The following EFNB3 variants were observed in gnomAD, a reference collection of about 807,000 sequenced individuals.
EFNB3 encodes ephrin-B3.
Under a neutral mutation model 29.8 loss-of-function variants are expected in EFNB3, and 14 were observed. The ratio of observed to expected loss-of-function variants is 0.47; its 90% CI spans 0.31 to 0.73. The LOEUF (loss-of-function observed/expected upper bound fraction) is 0.73, where lower values mean the gene tolerates loss of function less well. Among genes scored for constraint, EFNB3 ranks in the 30% least tolerant of loss-of-function variants. The pLI, the probability that EFNB3 is intolerant of heterozygous loss-of-function variation, is 0.05. For synonymous variants in EFNB3, 216 were observed against 191.6 expected (o/e 1.13, Z -1.05); for missense variants, 408 against 458.0 (o/e 0.89, Z 1.00).
intron 1 of EFNB3, among the ~76,000 whole-genome samples, chr17:7,706,171 G>T (rs1377037980): frequency 3.3e-5 from 5 of 149,718 alleles, no homozygotes; most frequent in Non-Finnish European, 7.4e-5. Context: ...AGGCAAGGGG[G>T]TTCCGTTTGG....
In EFNB3 at chr17:7,709,679, C is replaced by T. The variant is rs2074342619; in HGVS notation, c.*103C>T. On this transcript the variant is annotated 3_prime_UTR_variant, in exon 5 of 5. Transcript: ENST00000226091. The surrounding 1 kb of genome is among the most constrained non-coding windows in gnomAD (Gnocchi z 4.5). ...ACCTCTAACATCTCGGCCCCCTGTG[C>T]CCCCCCAGCCCCTTCACTCCTCCCG... The T allele has an allele frequency of 6.8e-6, 8 of 1,181,786 alleles. No individual in the cohort carries two copies. Among genetic ancestry groups the T allele is most frequent in the African/African-American group, 3.0e-5 (2 of 66,046 alleles). The allele number at this position is 1,181,786 out of a possible 1,614,324, so 73.2% of individuals were successfully genotyped here.
At position 7,709,173 on chromosome 17, in the gene EFNB3, C is replaced by T. The variant is rs2074339126; in HGVS notation, c.620C>T (p.Pro207Leu). 3 of 1,600,854 alleles carry T rather than the reference C, an allele frequency of 1.9e-6. No homozygotes were observed. Among genetic ancestry groups the T allele is most frequent in the Non-Finnish European group, 2.5e-6 (3 of 1,177,986 alleles). ...TTCACCCCTTCCCTGCCAGGTGACC[C>T]CACCAGCAATGCAACCTCCCGGGGT... The part of the protein sequence containing the change: ...EPGKENLPGD[P>L]TSNATSRGAE... The change falls in exon 5 of 5, where the codon CCC becomes CTC. Residue 207 changes from proline (P) to leucine (L), a missense_variant. Pro to Leu is a moderately conservative substitution (Grantham distance 98). Coordinates refer to ENST00000226091, the MANE Select transcript of EFNB3 (RefSeq NM_001406.4). This position sits in a 1 kb window ranked among gnomAD's most constrained non-coding sequence, Gnocchi z 4.5.
chr17:7,705,759 G>A lies in EFNB3; in HGVS notation c.122+39G>A. 1 of 1,529,952 alleles carries A rather than the reference G, an allele frequency of 6.5e-7. No homozygotes were observed. The highest frequency in any genetic ancestry group is 1.4e-5 in the African/African-American group (1 of 69,296). The allele number at this position is 1,529,952 out of a possible 1,614,324, so 94.8% of individuals were successfully genotyped here. On this transcript the variant is annotated intron_variant, in intron 1 of 4. Transcript: ENST00000226091. The surrounding 1 kb of genome is among the most constrained non-coding windows in gnomAD (Gnocchi z 5.4). Reference sequence around the variant, plus strand: ...GGCTGGGGAGATCCCAGACCCTAGGGCAGTGGGTAGGGAAGCTCTGGGGGC... The same window carrying A: ...GGCTGGGGAGATCCCAGACCCTAGGACAGTGGGTAGGGAAGCTCTGGGGGC...
Position 7,710,017 on chromosome 17 carries a change from T to G in EFNB3, c.*441T>G. 4.0e-6 allele frequency: 1 copy of G among 251,698 alleles called. No individual in the cohort carries two copies. The highest frequency in any genetic ancestry group is 2.4e-5 in the African/African-American group (1 of 42,402). 15.6% of individuals were successfully genotyped at this position (251,698 alleles called of 1,614,324 possible). The stretch of plus-strand genomic sequence containing the variant: ...CGTCTCTAGGTCTGTTCTTCTTCCC[T>G]AGCATCCTCCTCCCCACATCTCCTT... On this transcript the variant is annotated 3_prime_UTR_variant, in exon 5 of 5. Transcript: ENST00000226091.
chr17:7,705,850 TG>T lies in EFNB3; in HGVS notation c.122+133del. ...AAGGTGCTGGTGCTCTGATGTGTGATGGGTTACTAGACAGGTGATCTTGGGA... is the reference window on the plus strand; with the variant it reads ...AAGGTGCTGGTGCTCTGATGTGTGATGGTTACTAGACAGGTGATCTTGGGA... On this transcript the variant is annotated intron_variant, in intron 1 of 4. Coordinates refer to ENST00000226091, the MANE Select transcript of EFNB3 (RefSeq NM_001406.4). The surrounding 1 kb of genome is among the most constrained non-coding windows in gnomAD (Gnocchi z 5.4). 8.7e-7 allele frequency: 1 copy of T among 1,147,222 alleles called. No homozygotes were observed. Among genetic ancestry groups the T allele is most frequent in the Non-Finnish European group, 1.2e-6 (1 of 835,200 alleles). 71.1% of individuals were successfully genotyped at this position (1,147,222 alleles called of 1,614,324 possible). A position where few individuals can be genotyped will look rare whatever the true frequency, so the allele number is the denominator to read the frequency against.
Position 7,708,784 on chromosome 17 carries a change from C to T in EFNB3, c.613+45C>T. The T allele has an allele frequency of 6.8e-7, 1 of 1,476,548 alleles. No individual in the cohort carries two copies. Among genetic ancestry groups the T allele is most frequent in the East Asian group, 2.5e-5 (1 of 40,290 alleles). 91.5% of individuals were successfully genotyped at this position (1,476,548 alleles called of 1,614,324 possible). On this transcript the variant is annotated intron_variant, in intron 4 of 4. Coordinates refer to ENST00000226091, the MANE Select transcript of EFNB3 (RefSeq NM_001406.4). This position sits in a 1 kb window ranked among gnomAD's most constrained non-coding sequence, Gnocchi z 6.8. ...CCCCTGCCTTCCCCAGCTTCCTCTGCTCTCAGACCCCAGCTGCCCTGCCGT... is the reference window on the plus strand; with the variant it reads ...CCCCTGCCTTCCCCAGCTTCCTCTGTTCTCAGACCCCAGCTGCCCTGCCGT...
chr17:7,707,870 C>A (rs758165660), intron 1 of EFNB3, 88 bp from the exon 2 acceptor site: 10 of 1,449,506 alleles, frequency 6.9e-6, no homozygotes, highest in Admixed American at 4.5e-5. Context: ...AATTGCTGTC[C>A]TGGAAGGTTG....
In EFNB3 at chr17:7,705,455, G is replaced by A; in HGVS notation, c.-144G>A. 1.9e-6 allele frequency: 1 copy of A among 519,058 alleles called. No individual in the cohort carries two copies. Among genetic ancestry groups the A allele is most frequent in the Non-Finnish European group, 3.3e-6 (1 of 302,192 alleles). The allele number at this position is 519,058 out of a possible 1,614,324, so 32.2% of individuals were successfully genotyped here. A position where few individuals can be genotyped will look rare whatever the true frequency, so the allele number is the denominator to read the frequency against. On this transcript the variant is annotated 5_prime_UTR_variant, in exon 1 of 5. Transcript: ENST00000226091. The surrounding 1 kb of genome is among the most constrained non-coding windows in gnomAD (Gnocchi z 5.4). ...GCTCTGCCGCGGGGGCGCGGGCACA[G>A]CAGGAAGCAGGTCCGCGTGGGCGCT...
chr17:7,707,177 G>A (rs1222746322), intron 1 of EFNB3, among the ~76,000 whole-genome samples: 2 of 152,172 alleles, frequency 1.3e-5, no homozygotes, highest in Non-Finnish European at 2.9e-5. Flanking sequence ...GCAGGGGTTG[G>A]CAAGTTGTGG....
At chr17:7,706,135 C>G (rs897525097) in intron 1 of EFNB3, among the ~76,000 whole-genome samples, 2 of 148,674 alleles carry the variant, frequency 1.3e-5, no homozygotes. Flanking sequence ...CTCCCTCCCC[C>G]AGAGGGACTG....
In EFNB3 at chr17:7,705,517, G is replaced by GCCAGGCAGC; in HGVS notation, c.-80_-72dup. The GCCAGGCAGC allele has an allele frequency of 1.5e-6, 1 of 686,994 alleles. No homozygotes were observed. Among genetic ancestry groups the GCCAGGCAGC allele is most frequent in the Non-Finnish European group, 2.2e-6 (1 of 447,402 alleles). The allele number at this position is 686,994 out of a possible 1,614,324, so 42.6% of individuals were successfully genotyped here. A position where few individuals can be genotyped will look rare whatever the true frequency, so the allele number is the denominator to read the frequency against. On this transcript the variant is annotated 5_prime_UTR_variant, in exon 1 of 5. Coordinates refer to ENST00000226091, the MANE Select transcript of EFNB3 (RefSeq NM_001406.4). The surrounding 1 kb of genome is among the most constrained non-coding windows in gnomAD (Gnocchi z 5.4). The stretch of plus-strand genomic sequence containing the variant: ...CTACCGGGGTGGTCCGGGCTGAAGA[G>GCCAGGCAGC]CCAGGCAGCCAAGGCAGCCACCCCG...
intron 1 of EFNB3, among the ~76,000 whole-genome samples, chr17:7,706,877 C>A (rs1222049418): frequency 6.6e-6 from 1 of 152,214 alleles, no homozygotes. Context: ...GCTCTGCCAT[C>A]CCTCCCTCTC....
At position 7,705,598 on chromosome 17, in the gene EFNB3, C is replaced by A; in HGVS notation, c.-1C>A. The A allele has an allele frequency of 6.8e-7, 1 of 1,471,746 alleles. No homozygotes were observed. Among genetic ancestry groups the A allele is most frequent in the South Asian group, 1.4e-5 (1 of 72,806 alleles). 91.2% of individuals were successfully genotyped at this position (1,471,746 alleles called of 1,614,324 possible). A position where few individuals can be genotyped will look rare whatever the true frequency, so the allele number is the denominator to read the frequency against. On this transcript the variant is annotated 5_prime_UTR_variant, in exon 1 of 5. Coordinates refer to ENST00000226091, the MANE Select transcript of EFNB3 (RefSeq NM_001406.4). The surrounding 1 kb of genome is among the most constrained non-coding windows in gnomAD (Gnocchi z 5.4). The stretch of plus-strand genomic sequence containing the variant: ...CCCGCCCCCCAGGCCTTGGCGGGGT[C>A]ATGGGGCCCCCCCATTCTGGGCCGG...
In EFNB3 at chr17:7,709,826, G is replaced by A; in HGVS notation, c.*250G>A. The A allele has an allele frequency of 1.7e-6, 1 of 575,928 alleles. No homozygotes were observed. Among genetic ancestry groups the A allele is most frequent in the South Asian group, 2.1e-5 (1 of 48,230 alleles). The allele number at this position is 575,928 out of a possible 1,614,324, so 35.7% of individuals were successfully genotyped here. Reference sequence around the variant, plus strand: ...GTGTCCCTGGATCCTTTTTCCTTGGGGAGGGGCACAGGCTCAGCCTCCTCT... The same window carrying A: ...GTGTCCCTGGATCCTTTTTCCTTGGAGAGGGGCACAGGCTCAGCCTCCTCT... On this transcript the variant is annotated 3_prime_UTR_variant, in exon 5 of 5. Transcript: ENST00000226091. The surrounding 1 kb of genome is among the most constrained non-coding windows in gnomAD (Gnocchi z 4.5).
In EFNB3 at chr17:7,709,379, G is replaced by A; in HGVS notation, c.826G>A (p.Gly276Ser). Residue 276 changes from glycine to serine, a missense_variant, in exon 5 of 5, where the codon GGC becomes AGC. Physicochemically the swap from Gly to Ser is moderately conservative, Grantham distance 56. This residue lies in a region of EFNB3 where 233 missense variants were observed against 230.7 expected (regional missense o/e 1.01). Coordinates refer to ENST00000226091, the MANE Select transcript of EFNB3 (RefSeq NM_001406.4). This position sits in a 1 kb window ranked among gnomAD's most constrained non-coding sequence, Gnocchi z 4.5. ...PGSFGRGGSL[G>S]LGGGGGMGPR... ...CTCCTTCGGGAGGGGAGGGTCTCTG[G>A]GCCTGGGGGGTGGAGGTGGGATGGG... is the stretch of plus-strand genomic sequence containing the variant. The A allele has an allele frequency of 6.3e-7, 1 of 1,592,762 alleles. No homozygotes were observed. The highest frequency in any genetic ancestry group is 8.6e-7 in the Non-Finnish European group (1 of 1,168,858).
chr17:7,709,878 C>T lies in EFNB3; in HGVS notation c.*302C>T, dbSNP rs1307793977. The stretch of plus-strand genomic sequence containing the variant: ...TGACCATGACCCAGGCATCCTTGTC[C>T]CCCTCACCCACCCAGAGCTAGGGGC... On this transcript the variant is annotated 3_prime_UTR_variant, in exon 5 of 5. Coordinates refer to ENST00000226091, the MANE Select transcript of EFNB3 (RefSeq NM_001406.4). This position sits in a 1 kb window ranked among gnomAD's most constrained non-coding sequence, Gnocchi z 4.5. 8 of 496,760 alleles carry T rather than the reference C, an allele frequency of 1.6e-5. No individual in the cohort carries two copies. Among genetic ancestry groups the T allele is most frequent in the Non-Finnish European group, 2.1e-5 (6 of 280,172 alleles). The allele number at this position is 496,760 out of a possible 1,614,324, so 30.8% of individuals were successfully genotyped here. A position where few individuals can be genotyped will look rare whatever the true frequency, so the allele number is the denominator to read the frequency against.
chr17:7,706,084 T>A (rs1449807895), intron 1 of EFNB3, among the ~76,000 whole-genome samples: 1 of 150,324 alleles, frequency 6.7e-6, no homozygotes, highest in East Asian at 2.0e-4. Flanking sequence ...AGCTGCAGAT[T>A]AGGTGCTGCG....
Position 7,709,785 on chromosome 17 carries a change from G to GC in EFNB3, c.*215dup, listed in dbSNP as rs2074343140. 3.2e-6 allele frequency: 2 copies of GC among 628,520 alleles called. No homozygotes were observed. The highest frequency in any genetic ancestry group is 5.6e-6 in the Non-Finnish European group (2 of 357,742). The allele number at this position is 628,520 out of a possible 1,614,324, so 38.9% of individuals were successfully genotyped here. A position where few individuals can be genotyped will look rare whatever the true frequency, so the allele number is the denominator to read the frequency against. ...CCTGCCCTCCCGTTTGGCCATGGGT[G>GC]CCCCCCTCTGTCTCAGTGTCCCTGG... On this transcript the variant is annotated 3_prime_UTR_variant, in exon 5 of 5. Coordinates refer to ENST00000226091, the MANE Select transcript of EFNB3 (RefSeq NM_001406.4). The surrounding 1 kb of genome is among the most constrained non-coding windows in gnomAD (Gnocchi z 4.5).
Position 7,708,701 on chromosome 17 carries a change from C to G in EFNB3, c.575C>G (p.Ala192Gly). ...ATGCCCATGGAAAGAGACCGAGGGG[C>G]AGCCCACAGCCTGGAGCCTGGGAAG... Reference protein sequence around the residue: ...SEMPMERDRGAAHSLEPGKEN... With the variant: ...SEMPMERDRGGAHSLEPGKEN... Residue 192 changes from alanine (A) to glycine (G), a missense_variant, in exon 4 of 5, where the codon GCA becomes GGA. Ala to Gly is a moderately conservative substitution (Grantham distance 60). Coordinates refer to ENST00000226091, the MANE Select transcript of EFNB3 (RefSeq NM_001406.4). The surrounding 1 kb of genome is among the most constrained non-coding windows in gnomAD (Gnocchi z 6.8). 6.3e-7 allele frequency: 1 copy of G among 1,575,830 alleles called. No homozygotes were observed. The highest frequency in any genetic ancestry group is 8.6e-7 in the Non-Finnish European group (1 of 1,159,976).
Sources: allele counts gnomAD v4.1 joint callset (sites outside exome capture counted in the v4.1 genomes callset), GRCh38; gene constraint gnomAD v4.1.1; regional missense constraint gnomAD v4.1.1; non-coding constraint Gnocchi (gnomAD v3.1); transcripts MANE v1.5; gene names NCBI Gene and HGNC (gene_info 2026-07-23, HGNC 2026-07-21).